ADD3: variants seen among roughly 807,000 people sequenced by gnomAD.
The protein encoded by ADD3 is gamma-adducin.
In ADD3, 25 loss-of-function variants were observed where a neutral mutation model predicts 80.2. The ratio of observed to expected loss-of-function variants is 0.31; its 90% CI spans 0.23 to 0.44. The LOEUF (loss-of-function observed/expected upper bound fraction) is 0.44, where lower values mean the gene tolerates loss of function less well. Ranked by LOEUF, ADD3 falls within the 20% of genes least tolerant of loss-of-function variation. The pLI is 1.00. For synonymous variants in ADD3, 284 were observed against 289.6 expected (o/e 0.98, Z 0.20); for missense variants, 829 against 847.5 (o/e 0.98, Z 0.27).
chr10:110,124,605 A>T (rs1851911087), intron 10 of ADD3, among the ~76,000 whole-genome samples: 1 of 152,138 alleles, frequency 6.6e-6, no homozygotes, highest in Non-Finnish European at 1.5e-5. Context: ...CCACTACATG[A>T]TACTGCTTTG....
chr10:110,069,919 G>T (rs988086731), intron 1 of ADD3, among the ~76,000 whole-genome samples: 1 of 152,184 alleles, frequency 6.6e-6, no homozygotes, highest in Non-Finnish European at 1.5e-5. Flanking sequence ...CTAATAGATT[G>T]TAGGCTTCCT....
intron 1 of ADD3, among the ~76,000 whole-genome samples, chr10:110,052,058 C>T (rs2133401463): frequency 6.6e-6 from 1 of 152,326 alleles, no homozygotes; most frequent in East Asian, 1.9e-4. Context: ...CTCAGCTTCC[C>T]AAGGTGTTGA....
chr10:110,119,264 G>C lies in ADD3; in HGVS notation c.771G>C (p.Leu257=). 6.2e-7 allele frequency: 1 copy of C among 1,614,076 alleles called. No homozygotes were observed. The highest frequency in any genetic ancestry group is 1.1e-5 in the South Asian group (1 of 91,078). The change falls in exon 7 of 15, where the codon CTG becomes CTC. Residue 257 remains leucine (L), a synonymous_variant. Transcript: ENST00000356080. ...ILPISQESLL[L]GDVAYYDYQG... is the part of the protein sequence containing the mutation. ...CAATTTCTCAAGAGTCTCTTCTTCTGGGAGATGTTGCCTATTATGACTACC... is the reference window on the plus strand; with the variant it reads ...CAATTTCTCAAGAGTCTCTTCTTCTCGGAGATGTTGCCTATTATGACTACC...
chr10:110,130,360 A>C lies in ADD3; in HGVS notation c.1609-3A>C. 3 of 1,613,468 alleles carry C rather than the reference A, an allele frequency of 1.9e-6. No homozygotes were observed. Among genetic ancestry groups the C allele is most frequent in the Non-Finnish European group, 2.5e-6 (3 of 1,179,740 alleles). On this transcript the variant is annotated splice_polypyrimidine_tract_variant and splice_region_variant and intron_variant, in intron 12 of 14. Coordinates refer to ENST00000356080, the MANE Select transcript of ADD3 (RefSeq NM_016824.5). ...GAATCGATTTTTATTTTTTCTTTGT[A>C]AGACTATGCAATTTGAAGATGATGA...
rs1335993575 is a variant in ADD3 at position 110,008,144 on chromosome 10, C to G, written c.-185C>G. On this transcript the variant is annotated 5_prime_UTR_variant, in exon 1 of 15. Coordinates refer to ENST00000356080, the MANE Select transcript of ADD3 (RefSeq NM_016824.5). Reference sequence around the variant, plus strand: ...TGCACAGGGCTCGGCGTACAGGTCCCTCCCTCCTCAAGCCCCCTCCCCTTC... The same window carrying G: ...TGCACAGGGCTCGGCGTACAGGTCCGTCCCTCCTCAAGCCCCCTCCCCTTC... 6.6e-6 allele frequency: 1 copy of G among 152,318 alleles called. No individual in the cohort carries two copies. The highest frequency in any genetic ancestry group is 1.5e-5 in the Non-Finnish European group (1 of 68,120). 9.4% of individuals were successfully genotyped at this position (152,318 alleles called of 1,614,324 possible). A position where few individuals can be genotyped will look rare whatever the true frequency, so the allele number is the denominator to read the frequency against.
At position 110,114,268 on chromosome 10, in the gene ADD3, A is replaced by G. The variant is rs569885119; in HGVS notation, c.334+1353A>G. Among the ~76,000 whole-genome samples, 7 of 152,214 alleles carry G rather than the reference A, an allele frequency of 4.6e-5. No individual in the cohort carries two copies. In the East Asian group the frequency reaches 1.3e-3, roughly 29 times the overall value. ...AGAATAGAAGACAGGTTAATGGCTG[A>G]CTCTAAAATTTTGTCAGAAATTATG... On this transcript the variant is annotated intron_variant, in intron 3 of 14. Coordinates refer to ENST00000356080, the MANE Select transcript of ADD3 (RefSeq NM_016824.5).
intron 1 of ADD3, among the ~76,000 whole-genome samples, chr10:110,059,152 A>G (rs1858565826): frequency 6.7e-6 from 1 of 149,764 alleles, no homozygotes; most frequent in Non-Finnish European, 1.5e-5. Context: ...TACCATGGAA[A>G]CACTTTCAGA....
chr10:110,119,721 C>G, intron 8 of ADD3, 157 bp downstream of exon 8: 1 of 606,542 alleles, frequency 1.6e-6, no homozygotes, highest in Non-Finnish European at 2.9e-6. Flanking sequence ...ACTCAGTTAT[C>G]TCTTGAATTG....
In ADD3 at chr10:110,042,015, A is replaced by G. The variant is rs188977789; in HGVS notation, c.-30+33716A>G. Among the ~76,000 whole-genome samples, 18 of 152,330 alleles carry G rather than the reference A, an allele frequency of 1.2e-4. No individual in the cohort carries two copies. In the East Asian group the frequency reaches 3.5e-3, roughly 29 times the overall value. On this transcript the variant is annotated intron_variant, in intron 1 of 14. Transcript: ENST00000356080. ...CGTCTCTTGGGATCCGTGACCCTGTATTAAGAAATTCCTTTTCCAGATAAA... is the reference window on the plus strand; with the variant it reads ...CGTCTCTTGGGATCCGTGACCCTGTGTTAAGAAATTCCTTTTCCAGATAAA...
chr10:110,070,992 G>C (rs1367909794), intron 1 of ADD3, among the ~76,000 whole-genome samples: 4 of 72,976 alleles, frequency 5.5e-5, no homozygotes, highest in Non-Finnish European at 8.4e-5. Context: ...GGGGGGGGGG[G>C]GTGGGGAGCC....
intron 1 of ADD3, among the ~76,000 whole-genome samples, chr10:110,028,311 C>G (rs944311967): frequency 4.6e-5 from 7 of 152,178 alleles, no homozygotes; most frequent in African/African-American, 1.7e-4. Flanking sequence ...TGGTGGCTCA[C>G]GCCTGTAATC....
At chr10:110,065,236 C>T (rs1259141915) in intron 1 of ADD3, among the ~76,000 whole-genome samples, 3 of 152,066 alleles carry the variant, frequency 2.0e-5, no homozygotes, top group Non-Finnish European at 4.4e-5. Flanking sequence ...GTTAGATATA[C>T]AATTCCTAGA....
Position 110,118,664 on chromosome 10 carries a change from C to T in ADD3, c.645C>T (p.Pro215=), listed in dbSNP as rs1196986323. 6.2e-7 allele frequency: 1 copy of T among 1,613,654 alleles called. No homozygotes were observed. The highest frequency in any genetic ancestry group is 1.3e-5 in the African/African-American group (1 of 74,926). The change falls in exon 6 of 15, where the codon CCC becomes CCT. Residue 215 remains proline, a synonymous_variant. Coordinates refer to ENST00000356080, the MANE Select transcript of ADD3 (RefSeq NM_016824.5). ...NLKIDHTGFS[P]HAAIYSTRPD... ...AAATTGACCATACAGGATTCAGTCCCCATGCTGCAATCTATTCAACACGTC... is the reference window on the plus strand; with the variant it reads ...AAATTGACCATACAGGATTCAGTCCTCATGCTGCAATCTATTCAACACGTC...
At chr10:110,079,453 AGAGAGAGAGTGTGTGTGTGT>A (rs1194716811) in intron 1 of ADD3, among the ~76,000 whole-genome samples, 18 of 132,910 alleles carry the variant, frequency 1.4e-4, no homozygotes, top group East Asian at 6.4e-4. Flanking sequence ...AGAGAGAGAG[AGAGAGAGAGTGTGTGTGTGT>A]GTGTGTGTGT....
chr10:110,087,658 T>C (rs1191324295), intron 1 of ADD3, among the ~76,000 whole-genome samples: 1 of 152,210 alleles, frequency 6.6e-6, no homozygotes, highest in African/African-American at 2.4e-5. Context: ...CTTGTTCAGG[T>C]TAGTGTTTTG....
At chr10:110,013,564 G>C (rs1852576946) in intron 1 of ADD3, among the ~76,000 whole-genome samples, 1 of 152,166 alleles carries the variant, frequency 6.6e-6, no homozygotes, top group Admixed American at 6.5e-5. Context: ...AGTGTCTCAA[G>C]AAGTATACTA....
At chr10:110,117,945 G>C (rs973522902) in intron 5 of ADD3, among the ~76,000 whole-genome samples, 1 of 151,056 alleles carries the variant, frequency 6.6e-6, no homozygotes, top group Non-Finnish European at 1.5e-5. Context: ...GAATCCATAA[G>C]GTAGAGGTTG....
chr10:110,085,857 G>A (rs929159392), intron 1 of ADD3, among the ~76,000 whole-genome samples: 7 of 152,194 alleles, frequency 4.6e-5, no homozygotes, highest in Non-Finnish European at 5.9e-5. Flanking sequence ...TGTAATCCCA[G>A]CACTTTGGGA....
chr10:110,096,870 ATCAGGAGTCC>A (rs1848232952), intron 1 of ADD3, among the ~76,000 whole-genome samples: 1 of 152,180 alleles, frequency 6.6e-6, no homozygotes, highest in African/African-American at 2.4e-5. Flanking sequence ...CAGAGCCCAA[ATCAGGAGTCC>A]AGCTCATCTA....
Sources: gnomAD v4.1 joint callset for allele counts (sites outside exome capture counted in the v4.1 genomes callset) on GRCh38, gnomAD v4.1.1 for gene constraint, MANE v1.5 for transcripts, NCBI Gene and HGNC (gene_info 2026-07-23, HGNC 2026-07-21) for gene names.